INO80: variants seen among roughly 807,000 people sequenced by gnomAD.
The protein encoded by INO80 is INO80 complex ATPase subunit, also known as chromatin-remodeling ATPase INO80.
Under a neutral mutation model 203.4 loss-of-function variants are expected in INO80, and 20 were observed. The ratio of observed to expected loss-of-function variants is 0.10; its 90% CI spans 0.07 to 0.14. The LOEUF is 0.14. Ranked by LOEUF, INO80 falls within the 10% of genes least tolerant of loss-of-function variation. INO80 has a pLI of 1.00. For missense variants in INO80, 1,419 were observed against 1,914.4 expected, an observed-to-expected ratio of 0.74 and a Z score of 4.83; for synonymous variants, 726 against 685.2, an observed-to-expected ratio of 1.06 and a Z score of -0.93.
intron 19 of INO80, among the ~76,000 whole-genome samples, chr15:41,053,552 CAAATCTTTT>C (rs2044924067): frequency 1.3e-5 from 2 of 152,040 alleles, no homozygotes; most frequent in South Asian, 4.2e-4. Flanking sequence ...TTAAAAAAAC[CAAATCTTTT>C]AGAAATATAC....
chr15:41,096,591 AT>A (rs2045727523), intron 1 of INO80, among the ~76,000 whole-genome samples: 1 of 152,222 alleles, frequency 6.6e-6, no homozygotes, highest in East Asian at 1.9e-4. Context: ...ACATTTCACA[AT>A]GAAAATTCAT....
In INO80 at chr15:41,037,921, C is replaced by T. The variant is rs202023197; in HGVS notation, c.2907+6983G>A. The stretch of plus-strand genomic sequence containing the variant: ...TTGTGCCACTGCACTTTAGCCTGGG[C>T]GACAGAGTAAGACTCTGTCTCAAAA... On this transcript the variant is annotated intron_variant, in intron 24 of 35. Transcript: ENST00000648947. Among the ~76,000 whole-genome samples the T allele has an allele frequency of 2.1e-4, 32 of 150,904 alleles. No homozygotes were observed. In the East Asian group the frequency reaches 4.9e-3, roughly 23 times the overall value.
At chr15:40,989,981 G>A (rs902042668) in intron 29 of INO80, among the ~76,000 whole-genome samples, 1 of 152,024 alleles carries the variant, frequency 6.6e-6, no homozygotes, top group Non-Finnish European at 1.5e-5. Flanking sequence ...GTTTTCTCTT[G>A]CCTATAATAA....
intron 21 of INO80, 87 bp from the exon 22 acceptor site, chr15:41,048,363 C>T (rs1359308837): frequency 4.6e-5 from 46 of 1,007,242 alleles, no homozygotes; most frequent in Non-Finnish European, 6.9e-5. Context: ...GCAAGTAAAA[C>T]CTTTTAGTTT....
At chr15:41,062,208 A>C (rs2045124056) in intron 14 of INO80, among the ~76,000 whole-genome samples, 1 of 152,206 alleles carries the variant, frequency 6.6e-6, no homozygotes, top group South Asian at 2.1e-4. Flanking sequence ...GTCCAAGTAT[A>C]CCGAAGTCTT....
At chr15:41,085,827 A>C (rs1472886465) in intron 6 of INO80, among the ~76,000 whole-genome samples, 2 of 152,186 alleles carry the variant, frequency 1.3e-5, no homozygotes, top group African/African-American at 4.8e-5. Context: ...TTTATATGAA[A>C]GTGAAATACA....
chr15:41,041,438 T>TC (rs972490139), intron 24 of INO80, among the ~76,000 whole-genome samples: 1 of 151,726 alleles, frequency 6.6e-6, no homozygotes, highest in African/African-American at 2.4e-5. Flanking sequence ...GTTCTTTTTT[T>TC]TTTTTTTCTT....
At chr15:41,017,983 G>A (rs930626497) in intron 26 of INO80, 1 of 152,064 alleles carries the variant, frequency 6.6e-6, no homozygotes, top group Admixed American at 6.5e-5. Flanking sequence ...CAACTTTTAA[G>A]GTTTTATTCT....
rs138701574 is a variant in INO80 at position 40,980,433 on chromosome 15, G to A, written c.4461C>T (p.Ser1487=). Residue 1487 remains serine, a synonymous_variant, in exon 36 of 36, where the codon TCC becomes TCT. Coordinates refer to ENST00000648947, the MANE Select transcript of INO80 (RefSeq NM_017553.3). ...GGGATGTCTGCAGAGGACTGCTGGC[G>A]GAGATTCCTGTGGGGACGGAGAGAG... ...AYGYNVSKGI[S]ASSPLQTSLV... 1.4e-5 allele frequency: 22 copies of A among 1,612,410 alleles called. No individual in the cohort carries two copies. Among genetic ancestry groups the A allele is most frequent in the African/African-American group, 4.0e-5 (3 of 75,016 alleles).
chr15:41,080,966 G>A, intron 8 of INO80, 54 bp downstream of exon 8: 1 of 1,159,876 alleles, frequency 8.6e-7, no homozygotes, highest in Non-Finnish European at 1.3e-6. Context: ...CCCCAAAGAA[G>A]AAGAATATAT....
At chr15:41,005,292 G>A (rs1183606979) in intron 28 of INO80, 4 of 249,052 alleles carry the variant, frequency 1.6e-5, no homozygotes, top group African/African-American at 9.0e-5. Context: ...TATCCATTGA[G>A]GAGGATCTTG....
At chr15:41,096,817 T>A (rs1257380689) in intron 1 of INO80, among the ~76,000 whole-genome samples, 6 of 152,220 alleles carry the variant, frequency 3.9e-5, no homozygotes, top group Non-Finnish European at 8.8e-5. Context: ...TTCATATTCA[T>A]ACATATATGT....
chr15:41,081,760 T>C (rs1385275087), intron 7 of INO80, among the ~76,000 whole-genome samples: 1 of 152,130 alleles, frequency 6.6e-6, no homozygotes, highest in East Asian at 1.9e-4. Flanking sequence ...CTTTCAGTAC[T>C]GAAGAGTACT....
intron 17 of INO80, 83 bp downstream of exon 17, chr15:41,056,539 G>C: frequency 9.2e-7 from 1 of 1,091,840 alleles, no homozygotes; most frequent in Non-Finnish European, 1.4e-6. Flanking sequence ...AGCACTGCAA[G>C]GGAATGGGTA....
chr15:40,983,263 T>TAAAC, intron 34 of INO80, 186 bp from the exon 35 acceptor site: 1 of 584,124 alleles, frequency 1.7e-6, no homozygotes, highest in Non-Finnish European at 3.0e-6. Context: ...CTAAGAATTC[T>TAAAC]AAACAATGAA....
At chr15:41,069,487 T>C in intron 14 of INO80, 83 bp downstream of exon 14, 2 of 793,570 alleles carry the variant, frequency 2.5e-6, no homozygotes, top group Admixed American at 2.7e-5. Flanking sequence ...AAAACTGTTA[T>C]GAGTAATTAG....
Position 41,007,259 on chromosome 15 carries a change from T to TGTTG in INO80, c.3403-1573_3403-1572insCAAC, listed in dbSNP as rs1399728301. On this transcript the variant is annotated intron_variant, in intron 27 of 35. Transcript: ENST00000648947. ...GTGCAGTGGCACAATCGTGGTTCAC[T>TGTTG]GCAACCTCCTCCTCCCAGGTTCAAG... Among the ~76,000 whole-genome samples the TGTTG allele has an allele frequency of 2.0e-5, 3 of 148,202 alleles. No homozygotes were observed. In the Admixed American group the frequency reaches 2.1e-4, roughly 10 times the overall value.
intron 31 of INO80, among the ~76,000 whole-genome samples, chr15:40,985,636 G>A (rs939979095): frequency 6.6e-6 from 1 of 152,108 alleles, no homozygotes; most frequent in African/African-American, 2.4e-5. Flanking sequence ...CTGGCTCGGT[G>A]TGGTGACTCA....
intron 31 of INO80, among the ~76,000 whole-genome samples, chr15:40,986,826 A>G (rs1314538682): frequency 6.6e-6 from 1 of 151,632 alleles, no homozygotes; most frequent in East Asian, 1.9e-4. Flanking sequence ...GGGGTTTCAC[A>G]ATGTTGGCCA....
Sources: gnomAD v4.1 joint callset for allele counts (sites outside exome capture counted in the v4.1 genomes callset) on GRCh38, gnomAD v4.1.1 for gene constraint, MANE v1.5 for transcripts, NCBI Gene and HGNC (gene_info 2026-07-23, HGNC 2026-07-21) for gene names.